Variants in PRAM1 observed in about 807,000 individuals in gnomAD.
PRAM1 encodes PML-RARA regulated adaptor molecule 1.
A neutral mutation model predicts 55.3 loss-of-function variants in PRAM1; 41 were observed. The observed-to-expected ratio is 0.74, with a 90% CI of 0.58 to 0.96. PRAM1 has a LOEUF of 0.96. Ranked by LOEUF, PRAM1 falls within the 40% of genes least tolerant of loss-of-function variation. The pLI, the probability that PRAM1 is intolerant of heterozygous loss-of-function variation, is 0.00. For synonymous variants in PRAM1, 401 were observed against 387.1 expected (o/e 1.04, Z -0.42); for missense variants, 898 against 892.7 (o/e 1.01, Z -0.08).
chr19:8,498,609 A>G lies in PRAM1; in HGVS notation c.1199T>C (p.Phe400Ser), dbSNP rs2145793401. The change falls in exon 2 of 10, where the codon TTC becomes TCC. Residue 400 changes from phenylalanine (F) to serine (S), a missense_variant. Around this residue, in one of 4 missense-constraint regions of PRAM1, gnomAD observed 787 missense variants for 735.4 expected, o/e 1.07. Transcript: ENST00000423345. Reference sequence around the variant, plus strand: ...AGGGCTGAGCGGGTGCCGGGAGCTGAAGCCGGCCACGGCCGCAGGCAGTGA... The same window carrying G: ...AGGGCTGAGCGGGTGCCGGGAGCTGGAGCCGGCCACGGCCGCAGGCAGTGA... ...ESSLPAAVAG[F>S]SSRHPLSPGF... is the part of the protein sequence containing the mutation. The G allele has an allele frequency of 6.2e-7, 1 of 1,612,618 alleles. No homozygotes were observed. Among genetic ancestry groups the G allele is most frequent in the Non-Finnish European group, 8.5e-7 (1 of 1,179,706 alleles).
Position 8,499,451 on chromosome 19 carries a change from C to T in PRAM1, c.357G>A (p.Pro119=), listed in dbSNP as rs1398176958. ...PPEVTDLPKK[P]SKLELSDLSK... ...AGAGGTCACTCAACTCCAGTTTGGA[C>T]GGCTTCTTGGGGAGGTCAGTGACCT... Residue 119 remains proline (P), a synonymous_variant, in exon 2 of 10, where the codon CCG becomes CCA. Coordinates refer to ENST00000423345, the MANE Select transcript of PRAM1 (RefSeq NM_032152.5). The T allele has an allele frequency of 2.1e-6, 3 of 1,404,078 alleles. No homozygotes were observed. Among genetic ancestry groups the T allele is most frequent in the Admixed American group, 2.1e-5 (1 of 47,772 alleles). 87.0% of individuals were successfully genotyped at this position (1,404,078 alleles called of 1,614,324 possible). A position where few individuals can be genotyped will look rare whatever the true frequency, so the allele number is the denominator to read the frequency against.
intron 5 of PRAM1, 21 bp from the exon 6 acceptor site, chr19:8,491,016 A>G: frequency 1.2e-6 from 2 of 1,612,978 alleles, no homozygotes; most frequent in Non-Finnish European, 1.7e-6. Context: ...CCACCAAGGA[A>G]TTGTGTGCTC....
chr19:8,498,594 G>A lies in PRAM1; in HGVS notation c.1214C>T (p.Pro405Leu). ...AGCCGCTCCAAACCCAGGGCTGAGCGGGTGCCGGGAGCTGAAGCCGGCCAC... is the reference window on the plus strand; with the variant it reads ...AGCCGCTCCAAACCCAGGGCTGAGCAGGTGCCGGGAGCTGAAGCCGGCCAC... ...AAVAGFSSRH[P>L]LSPGFGAAGT... Residue 405 changes from proline to leucine, a missense_variant, in exon 2 of 10, where the codon CCG becomes CTG. Around this residue, in one of 4 missense-constraint regions of PRAM1, gnomAD observed 787 missense variants for 735.4 expected, o/e 1.07. Coordinates refer to ENST00000423345, the MANE Select transcript of PRAM1 (RefSeq NM_032152.5). 1 of 1,612,646 alleles carries A rather than the reference G, an allele frequency of 6.2e-7. No individual in the cohort carries two copies. The highest frequency in any genetic ancestry group is 2.2e-5 in the East Asian group (1 of 44,866).
Position 8,490,573 on chromosome 19 carries a change from T to C in PRAM1, c.1906+21A>G. Reference sequence around the variant, plus strand: ...GGTGGCGGCGGGGACCTCCCGGGGCTGCGGGGCCGGGCGCACTCACATTTG... The same window carrying C: ...GGTGGCGGCGGGGACCTCCCGGGGCCGCGGGGCCGGGCGCACTCACATTTG... On this transcript the variant is annotated intron_variant, in intron 7 of 9. Transcript: ENST00000423345. The surrounding 1 kb of genome is among the most constrained non-coding windows in gnomAD (Gnocchi z 7.3). 6.3e-7 allele frequency: 1 copy of C among 1,592,282 alleles called. No individual in the cohort carries two copies. Among genetic ancestry groups the C allele is most frequent in the Non-Finnish European group, 8.5e-7 (1 of 1,169,748 alleles).
Position 8,490,947 on chromosome 19 carries a change from C to T in PRAM1, c.1683G>A (p.Lys561=), listed in dbSNP as rs1222124685. Reference sequence around the variant, plus strand: ...CTGCCTTCCTCAGCTGCTTCAGCAACTTTGGGTCCATGGGTGGCAACTGCT... The same window carrying T: ...CTGCCTTCCTCAGCTGCTTCAGCAATTTTGGGTCCATGGGTGGCAACTGCT... ...QPQQLPPMDP[K]LLKQLRKAEK... The change falls in exon 6 of 10, where the codon AAG becomes AAA. Residue 561 remains lysine (K), a synonymous_variant. Transcript: ENST00000423345. This position sits in a 1 kb window ranked among gnomAD's most constrained non-coding sequence, Gnocchi z 7.3. The T allele has an allele frequency of 6.2e-7, 1 of 1,613,740 alleles. No individual in the cohort carries two copies. The highest frequency in any genetic ancestry group is 8.5e-7 in the Non-Finnish European group (1 of 1,179,906).
chr19:8,494,006 C>T (rs975215000), intron 4 of PRAM1, among the ~76,000 whole-genome samples: 1 of 152,100 alleles, frequency 6.6e-6, no homozygotes, highest in African/African-American at 2.4e-5. Context: ...CCATGTTGGC[C>T]AGGCTGGTCT....
At chr19:8,500,574 C>A (rs925225213) in intron 1 of PRAM1, among the ~76,000 whole-genome samples, 1 of 152,012 alleles carries the variant, frequency 6.6e-6, no homozygotes, top group African/African-American at 2.4e-5. Context: ...TCATAAAAGC[C>A]TGGGCGAACC....
intron 4 of PRAM1, among the ~76,000 whole-genome samples, chr19:8,495,347 G>T (rs1432346932): frequency 6.6e-6 from 1 of 151,882 alleles, no homozygotes; most frequent in Non-Finnish European, 1.5e-5. Context: ...TGATCCACCC[G>T]CCTCGGCCTC....
rs757845813 is a variant in PRAM1, at chr19:8,490,887, C to T, written c.1743G>A (p.Lys581=). Residue 581 remains lysine, a splice_region_variant and synonymous_variant, in exon 6 of 10, where the codon AAG becomes AAA. Transcript: ENST00000423345. The surrounding 1 kb of genome is among the most constrained non-coding windows in gnomAD (Gnocchi z 7.3). ...KAEREFRKKF[K]FEGEIVVHTK... is the part of the protein sequence containing the mutation. ...CTCCTGCTTAGCTCAGAGGCCTCAC[C>T]TTGAACTTCTTCCGGAACTCCCTCT... 7 of 1,613,264 alleles carry T rather than the reference C, an allele frequency of 4.3e-6. No individual in the cohort carries two copies. The highest frequency in any genetic ancestry group is 1.1e-5 in the South Asian group (1 of 91,086).
chr19:8,498,859 G>A lies in PRAM1; in HGVS notation c.949C>T (p.Leu317Phe), dbSNP rs948168996. The change falls in exon 2 of 10, where the codon CTC (leucine) becomes TTC (phenylalanine). Residue 317 changes from leucine (L) to phenylalanine (F), a missense_variant. By Grantham distance (22) the Leu-to-Phe change is conservative. Around this residue, in one of 4 missense-constraint regions of PRAM1, gnomAD observed 787 missense variants for 735.4 expected, o/e 1.07. Coordinates refer to ENST00000423345, the MANE Select transcript of PRAM1 (RefSeq NM_032152.5). ...TCGGGCTGCGGGGGCTTCTTGGAGA[G>A]CGCTTTGAATTCGGCCGGCCGCGGC... is the stretch of plus-strand genomic sequence containing the variant. ...KRPRPAEFKALSKKPPQPELG... is the reference protein window; with the variant it reads ...KRPRPAEFKAFSKKPPQPELG... The A allele has an allele frequency of 6.2e-7, 1 of 1,609,620 alleles. No homozygotes were observed. The highest frequency in any genetic ancestry group is 8.5e-7 in the Non-Finnish European group (1 of 1,178,248).
chr19:8,500,219 G>A lies in PRAM1; in HGVS notation c.28-439C>T, dbSNP rs556665366. On this transcript the variant is annotated intron_variant, in intron 1 of 9. Coordinates refer to ENST00000423345, the MANE Select transcript of PRAM1 (RefSeq NM_032152.5). Reference sequence around the variant, plus strand: ...ACTCCTGGGCTCCAATGATTCCCCCGACCTCGGCCTCCCCAGTAGCTGGGA... The same window carrying A: ...ACTCCTGGGCTCCAATGATTCCCCCAACCTCGGCCTCCCCAGTAGCTGGGA... 4.7e-5 allele frequency among the ~76,000 whole-genome samples: 7 copies of A among 148,980 alleles called. No homozygotes were observed. The South Asian group carries it at 1.5e-3, about 32-fold the overall frequency.
chr19:8,499,158 G>T lies in PRAM1; in HGVS notation c.650C>A (p.Ala217Glu), dbSNP rs1234140071. The T allele has an allele frequency of 1.2e-6, 2 of 1,613,872 alleles. No individual in the cohort carries two copies. ...GGGGTACACGTTGAACTCAGGCTGCGCAGGCTTCTTGGGAAAGGTACTCAA... is the reference window on the plus strand; with the variant it reads ...GGGGTACACGTTGAACTCAGGCTGCTCAGGCTTCTTGGGAAAGGTACTCAA... Reference protein sequence around the residue: ...PELSTFPKKPAQPEFNVYPKK... With the variant: ...PELSTFPKKPEQPEFNVYPKK... The change falls in exon 2 of 10, where the codon GCG becomes GAG. Residue 217 changes from alanine to glutamate, a missense_variant. By Grantham distance (107) the Ala-to-Glu change is moderately radical. Coordinates refer to ENST00000423345, the MANE Select transcript of PRAM1 (RefSeq NM_032152.5).
In PRAM1 at chr19:8,493,316, C is replaced by T. The variant is rs1971654634; in HGVS notation, c.1577-2159G>A. Among the ~76,000 whole-genome samples, 3 of 152,234 alleles carry T rather than the reference C, an allele frequency of 2.0e-5. No individual in the cohort carries two copies. Among genetic ancestry groups the T allele is most frequent in the Admixed American group, 2.0e-4 (3 of 15,282 alleles). On this transcript the variant is annotated intron_variant, in intron 4 of 9. Coordinates refer to ENST00000423345, the MANE Select transcript of PRAM1 (RefSeq NM_032152.5). This position sits in a 1 kb window ranked among gnomAD's most constrained non-coding sequence, Gnocchi z 4.1. ...GCAGCCCAAGGAGCAGCACCTGAAT[C>T]GTGCCCGCCAGATACCAGGCATGGC...
Position 8,490,826 on chromosome 19 carries a change from G to A in PRAM1, c.1743+61C>T. 2 of 1,608,186 alleles carry A rather than the reference G, an allele frequency of 1.2e-6. No individual in the cohort carries two copies. Among genetic ancestry groups the A allele is most frequent in the Non-Finnish European group, 8.5e-7 (1 of 1,178,854 alleles). On this transcript the variant is annotated intron_variant, in intron 6 of 9. Transcript: ENST00000423345. This position sits in a 1 kb window ranked among gnomAD's most constrained non-coding sequence, Gnocchi z 7.3. ...GGGCCCCTGTCTTCTTTCTGAGCCT[G>A]GGATCGGTGGGACCCTGGTCTCCGC...
rs1971767362 is a variant in PRAM1 at position 8,499,432 on chromosome 19, C to T, written c.376G>A (p.Asp126Asn). The T allele has an allele frequency of 8.1e-6, 13 of 1,612,322 alleles. No individual in the cohort carries two copies. In the East Asian group the frequency reaches 2.9e-4, roughly 36 times the overall value. ...PKKPSKLELS[D>N]LSKKFPQLGA... ...AGCTGTGGGAACTTCTTGGAGAGGT[C>T]ACTCAACTCCAGTTTGGACGGCTTC... Residue 126 changes from aspartate to asparagine, a missense_variant, in exon 2 of 10, where the codon GAC becomes AAC. Transcript: ENST00000423345.
chr19:8,502,456 C>A, intron 1 of PRAM1, 109 bp downstream of exon 1: 1 of 574,884 alleles, frequency 1.7e-6, no homozygotes, highest in Non-Finnish European at 3.0e-6. Flanking sequence ...CTTTCGCAGC[C>A]ACCCCCCGCC....
rs897823469 is a variant in PRAM1, at chr19:8,491,225, T to C, written c.1577-68A>G. ...CTCAGCCTTTACCCTGGTAGCTGTT[T>C]TTTGTTTGTTTTTGTGTTTTTGTTT... is the stretch of plus-strand genomic sequence containing the variant. On this transcript the variant is annotated intron_variant, in intron 4 of 9. Transcript: ENST00000423345. 4.8e-6 allele frequency: 7 copies of C among 1,464,084 alleles called. No homozygotes were observed. The East Asian group carries it at 1.7e-4, about 35-fold the overall frequency. 90.7% of individuals were successfully genotyped at this position (1,464,084 alleles called of 1,614,324 possible).
Position 8,498,228 on chromosome 19 carries a change from G to C in PRAM1, c.1494C>G (p.Ile498Met). ...CGCTTCCTCCCCACACTCACTGCGG[G>C]ATGTCTTCAGGCTGTCGGTCCTGGA... ...LHFQDRQPED[I>M]PQVPDEIYEL... The change falls in exon 3 of 10, where the codon ATC (isoleucine) becomes ATG (methionine). Residue 498 changes from isoleucine to methionine, a missense_variant. Physicochemically the swap from Ile to Met is conservative, Grantham distance 10. Transcript: ENST00000423345. The C allele has an allele frequency of 6.2e-7, 1 of 1,612,276 alleles. No homozygotes were observed.
rs868174549 is a variant in PRAM1, at chr19:8,498,699, G to T, written c.1109C>A (p.Pro370Gln). ...PEPSAVLKRH[P>Q]QPEFFGDLPR... is the part of the protein sequence containing the mutation. Reference sequence around the variant, plus strand: ...GAGATCACCGAAGAACTCAGGCTGCGGGTGTCTCTTGAGGACAGCGCTGGG... The same window carrying T: ...GAGATCACCGAAGAACTCAGGCTGCTGGTGTCTCTTGAGGACAGCGCTGGG... The change falls in exon 2 of 10, where the codon CCG (proline) becomes CAG (glutamine). Residue 370 changes from proline to glutamine, a missense_variant. Transcript: ENST00000423345. The T allele has an allele frequency of 6.2e-7, 1 of 1,601,604 alleles. No individual in the cohort carries two copies. The highest frequency in any genetic ancestry group is 2.3e-5 in the East Asian group (1 of 44,218).
Sources: allele counts gnomAD v4.1 joint callset (sites outside exome capture counted in the v4.1 genomes callset), GRCh38; gene constraint gnomAD v4.1.1; regional missense constraint gnomAD v4.1.1; non-coding constraint Gnocchi (gnomAD v3.1); transcripts MANE v1.5; gene names NCBI Gene and HGNC (gene_info 2026-07-23, HGNC 2026-07-21).